SUFU: variants seen among roughly 807,000 people sequenced by gnomAD.
SUFU encodes the protein SUFU negative regulator of hedgehog signaling.
Under a neutral mutation model 58.9 loss-of-function variants are expected in SUFU, and 7 were observed. That is an observed-to-expected ratio of 0.12 (90% confidence interval 0.07 to 0.22). The LOEUF (loss-of-function observed/expected upper bound fraction) is 0.22, where lower values mean the gene tolerates loss of function less well. Among genes scored for constraint, SUFU ranks in the 10% least tolerant of loss-of-function variants. SUFU has a pLI of 1.00. For missense variants in SUFU, 451 were observed against 641.3 expected (o/e 0.70, Z 3.20); for synonymous variants, 232 against 254.8 (o/e 0.91, Z 0.85).
chr10:102,592,438 C>A, intron 3 of SUFU, 144 bp from the exon 4 acceptor site: 1 of 890,186 alleles, frequency 1.1e-6, no homozygotes. Flanking sequence ...TTGCTTCCAT[C>A]CGGAGTGAAT....
At chr10:102,547,234 T>G (rs1265146099) in intron 2 of SUFU, among the ~76,000 whole-genome samples, 3 of 151,936 alleles carry the variant, frequency 2.0e-5, no homozygotes, top group Non-Finnish European at 4.4e-5. Context: ...CTTTACAGAG[T>G]TTTAACTCTA....
rs78348715 is a variant in SUFU, at chr10:102,623,080, G to A, written c.1297-4095G>A. Among the ~76,000 whole-genome samples the A allele has an allele frequency of 8.8e-3, 1,327 of 150,040 alleles. 19 individuals are homozygous for A. The highest frequency in any genetic ancestry group is 0.031 in the African/African-American group (1,249 of 40,818). ...GGAAGTGTGAATGGGGCCTAGCATCGCCATATTTTCAGAAGCTTCCCAGGG... is the reference window on the plus strand; with the variant it reads ...GGAAGTGTGAATGGGGCCTAGCATCACCATATTTTCAGAAGCTTCCCAGGG... On this transcript the variant is annotated intron_variant, in intron 10 of 11. Coordinates refer to ENST00000369902, the MANE Select transcript of SUFU (RefSeq NM_016169.4).
chr10:102,512,976 G>A (rs2062419436), intron 2 of SUFU, among the ~76,000 whole-genome samples: 1 of 152,002 alleles, frequency 6.6e-6, no homozygotes, highest in South Asian at 2.1e-4. Flanking sequence ...GCTGAGGTGG[G>A]AGGATCACTG....
rs190319693 is a variant in SUFU at position 102,525,481 on chromosome 10, C to T, written c.317+16178C>T. Among the ~76,000 whole-genome samples, 6 of 151,276 alleles carry T rather than the reference C, an allele frequency of 4.0e-5. No homozygotes were observed. In the East Asian group the frequency reaches 1.2e-3, roughly 30 times the overall value. On this transcript the variant is annotated intron_variant, in intron 2 of 11. Transcript: ENST00000369902. ...GGCACAGTGCTTAGTATGTGTCAAGCACTTAATTTATTTTCTTTTTTTGTT... is the reference window on the plus strand; with the variant it reads ...GGCACAGTGCTTAGTATGTGTCAAGTACTTAATTTATTTTCTTTTTTTGTT...
chr10:102,573,052 G>T, intron 3 of SUFU: 1 of 837,120 alleles, frequency 1.2e-6, no homozygotes, highest in Admixed American at 1.7e-5. Flanking sequence ...GAGGGTACTT[G>T]GGCTGCCTCC....
chr10:102,628,809 ACT>A lies in SUFU; in HGVS notation c.1366-1256_1366-1255del, dbSNP rs1011133333. On this transcript the variant is annotated intron_variant, in intron 11 of 11. Coordinates refer to ENST00000369902, the MANE Select transcript of SUFU (RefSeq NM_016169.4). This position sits in a 1 kb window ranked among gnomAD's most constrained non-coding sequence, Gnocchi z 4.5. ...CCCCAGACCGAGGCAGGCTGAGAAC[ACT>A]GTTCTCTCCTTTCCACCCTGCCCTG... 6.6e-6 allele frequency among the ~76,000 whole-genome samples: 1 copy of A among 152,016 alleles called. No homozygotes were observed. Among genetic ancestry groups the A allele is most frequent in the African/African-American group, 2.4e-5 (1 of 41,380 alleles).
chr10:102,526,140 G>T (rs1021409389), intron 2 of SUFU, among the ~76,000 whole-genome samples: 4 of 152,096 alleles, frequency 2.6e-5, no homozygotes, highest in Non-Finnish European at 5.9e-5. Context: ...CTAAGGAGGG[G>T]TGACCTGGCC....
At chr10:102,506,882 G>C (rs1411157926) in intron 1 of SUFU, among the ~76,000 whole-genome samples, 22 of 152,198 alleles carry the variant, frequency 1.4e-4, no homozygotes. Flanking sequence ...TCCCTGAGTA[G>C]TGGGGACATT....
intron 2 of SUFU, among the ~76,000 whole-genome samples, chr10:102,538,848 G>A (rs1270176545): frequency 3.3e-5 from 5 of 152,218 alleles, no homozygotes; most frequent in Admixed American, 3.3e-4. Flanking sequence ...GGTACAGAGA[G>A]GCTAAGTGAT....
At chr10:102,567,245 TCGTGATC>T (rs2063100966) in intron 3 of SUFU, among the ~76,000 whole-genome samples, 1 of 151,664 alleles carries the variant, frequency 6.6e-6, no homozygotes, top group South Asian at 2.1e-4. Context: ...TCTCCTGACC[TCGTGATC>T]CGCCTGCCTC....
chr10:102,606,266 A>G (rs1377519551), intron 8 of SUFU, among the ~76,000 whole-genome samples: 1 of 152,260 alleles, frequency 6.6e-6, no homozygotes, highest in African/African-American at 2.4e-5. Context: ...AATGTGTTAT[A>G]TAGACAGGTG....
chr10:102,601,199 T>C (rs1288562817), intron 8 of SUFU, among the ~76,000 whole-genome samples: 3 of 152,274 alleles, frequency 2.0e-5, no homozygotes, highest in Admixed American at 6.5e-5. Context: ...CTTGCCCCGC[T>C]TGTGTATCTG....
At chr10:102,523,786 C>T (rs2062577061) in intron 2 of SUFU, among the ~76,000 whole-genome samples, 1 of 152,204 alleles carries the variant, frequency 6.6e-6, no homozygotes, top group South Asian at 2.1e-4. Context: ...GGCCAGTGGA[C>T]ACTCATCTCA....
At chr10:102,531,400 C>T (rs371387472) in intron 2 of SUFU, among the ~76,000 whole-genome samples, 21 of 152,356 alleles carry the variant, frequency 1.4e-4, no homozygotes, top group Middle Eastern at 6.8e-3. Flanking sequence ...GGTTCAGCCT[C>T]ATTACTCCCA....
In SUFU at chr10:102,633,083, G is replaced by A. The variant is rs1261268904; in HGVS notation, c.*2928G>A. 1.3e-5 allele frequency: 3 copies of A among 233,294 alleles called. No individual in the cohort carries two copies. Among genetic ancestry groups the A allele is most frequent in the Non-Finnish European group, 2.5e-5 (3 of 118,090 alleles). 14.5% of individuals were successfully genotyped at this position (233,294 alleles called of 1,614,324 possible). ...ACTGGGGTTTCGGATTGAGTTGCAA[G>A]CAGGGAGAAAACCTGAAGGTCGGTG... On this transcript the variant is annotated 3_prime_UTR_variant, in exon 12 of 12. Transcript: ENST00000369902.
At position 102,593,785 on chromosome 10, in the gene SUFU, C is replaced by T. The variant is rs536448774; in HGVS notation, c.683+64C>T. 18 of 1,529,310 alleles carry T rather than the reference C, an allele frequency of 1.2e-5. 1 individual carries two copies. The South Asian group carries it at 1.7e-4, about 14-fold the overall frequency. 94.7% of individuals were successfully genotyped at this position (1,529,310 alleles called of 1,614,324 possible). A position where few individuals can be genotyped will look rare whatever the true frequency, so the allele number is the denominator to read the frequency against. ...CCTGGGGGTGGGAGTCCCTCCACTA[C>T]CCTCCATGTGGGGCTCCCTCTTGCG... On this transcript the variant is annotated intron_variant, in intron 5 of 11. Coordinates refer to ENST00000369902, the MANE Select transcript of SUFU (RefSeq NM_016169.4).
intron 2 of SUFU, among the ~76,000 whole-genome samples, chr10:102,537,384 G>A (rs972150262): frequency 4.0e-5 from 6 of 151,856 alleles, no homozygotes; most frequent in African/African-American, 7.3e-5. Context: ...TCCCACCTTG[G>A]ACTCCTATAG....
intron 3 of SUFU, among the ~76,000 whole-genome samples, chr10:102,585,884 A>G (rs1228163429): frequency 9.4e-6 from 1 of 106,194 alleles, no homozygotes; most frequent in African/African-American, 3.5e-5. Flanking sequence ...AGCTATTTGT[A>G]TATCTTTTTT....
chr10:102,553,357 A>G (rs1266983365), intron 3 of SUFU, among the ~76,000 whole-genome samples: 4 of 152,174 alleles, frequency 2.6e-5, no homozygotes, highest in Admixed American at 2.0e-4. Flanking sequence ...GCCATTGAAT[A>G]TGTGAGGTTA....
Sources: allele counts gnomAD v4.1 joint callset (sites outside exome capture counted in the v4.1 genomes callset), GRCh38; gene constraint gnomAD v4.1.1; non-coding constraint Gnocchi (gnomAD v3.1); transcripts MANE v1.5; gene names NCBI Gene and HGNC (gene_info 2026-07-23, HGNC 2026-07-21).